INSR: variants seen among roughly 807,000 people sequenced by gnomAD.
INSR encodes IR.
In INSR, 67 loss-of-function variants were observed where a neutral mutation model predicts 142.6. That is an observed-to-expected ratio of 0.47 (90% confidence interval 0.39 to 0.58). The LOEUF (loss-of-function observed/expected upper bound fraction) is 0.58. Among genes scored for constraint, INSR ranks in the 20% least tolerant of loss-of-function variants. The pLI is 0.00. For missense variants in INSR, 1,248 were observed against 1,833.2 expected (o/e 0.68, Z 5.83); for synonymous variants, 756 against 743.1 (o/e 1.02, Z -0.28).
chr19:7,120,430 G>T (rs568480006), intron 20 of INSR, among the ~76,000 whole-genome samples, 190 bp downstream of exon 20: 10 of 152,284 alleles, frequency 6.6e-5, no homozygotes, highest in African/African-American at 1.9e-4. Context: ...CAGATTTTCG[G>T]GGTTCACAAT....
At chr19:7,117,908 C>CTT (rs34720676) in intron 21 of INSR, among the ~76,000 whole-genome samples, 286 of 133,350 alleles carry the variant, frequency 2.1e-3, no homozygotes, top group Non-Finnish European at 3.0e-3. Flanking sequence ...TGCCTGGCCG[C>CTT]TTTTTTTTTT....
intron 1 of INSR, among the ~76,000 whole-genome samples, chr19:7,273,893 T>C (rs983785452): frequency 5.9e-5 from 9 of 151,920 alleles, no homozygotes; most frequent in Non-Finnish European, 2.9e-5. Flanking sequence ...CTCAGGAGGC[T>C]GAGGCAGGAG....
At chr19:7,123,677 C>T (rs970951583) in intron 17 of INSR, among the ~76,000 whole-genome samples, 1 of 151,994 alleles carries the variant, frequency 6.6e-6, no homozygotes, top group African/African-American at 2.4e-5. Context: ...AATCCCAGCA[C>T]TTTGGGAGGC....
chr19:7,183,445 A>G (rs1194029252), intron 3 of INSR, among the ~76,000 whole-genome samples: 2 of 152,142 alleles, frequency 1.3e-5, no homozygotes, highest in African/African-American at 4.8e-5. Context: ...TCTGTCGAAG[A>G]GAGAAAACCC....
intron 2 of INSR, among the ~76,000 whole-genome samples, chr19:7,265,650 G>C (rs867432451): frequency 6.6e-6 from 1 of 151,138 alleles, no homozygotes; most frequent in African/African-American, 2.4e-5. Flanking sequence ...CAGGAGAACC[G>C]CTTGAACCCG....
chr19:7,182,922 A>C (rs544066414), intron 3 of INSR, among the ~76,000 whole-genome samples: 34 of 152,094 alleles, frequency 2.2e-4, no homozygotes, highest in African/African-American at 7.7e-4. Context: ...AAAAAAAAAA[A>C]AAACCTAAAA....
intron 2 of INSR, among the ~76,000 whole-genome samples, chr19:7,250,732 T>C (rs1384177703): frequency 1.3e-5 from 2 of 151,962 alleles, no homozygotes; most frequent in African/African-American, 4.8e-5. Flanking sequence ...CTCAGAGCCA[T>C]GTGCAAACGA....
At chr19:7,161,415 AT>A (rs201080929) in intron 9 of INSR, among the ~76,000 whole-genome samples, 3 of 151,814 alleles carry the variant, frequency 2.0e-5, no homozygotes, top group Non-Finnish European at 2.9e-5. Flanking sequence ...GTACACCACC[AT>A]TTTTTTAAAT....
At chr19:7,123,427 C>T (rs1435387887) in intron 17 of INSR, among the ~76,000 whole-genome samples, 1 of 151,864 alleles carries the variant, frequency 6.6e-6, no homozygotes, top group Non-Finnish European at 1.5e-5. Flanking sequence ...CCTCAGCCTC[C>T]CAAAGTGCTG....
intron 2 of INSR, among the ~76,000 whole-genome samples, chr19:7,232,419 C>T (rs895817665): frequency 1.3e-5 from 2 of 152,132 alleles, no homozygotes; most frequent in South Asian, 4.1e-4. Context: ...GTTTCAAATT[C>T]CCGACCTCAA....
At chr19:7,242,840 A>T (rs1467112518) in intron 2 of INSR, among the ~76,000 whole-genome samples, 1 of 152,086 alleles carries the variant, frequency 6.6e-6, no homozygotes, top group Non-Finnish European at 1.5e-5. Context: ...TTATAAATGA[A>T]AATTTTGGCC....
Position 7,136,828 on chromosome 19 carries a change from C to CATATATATATATATATATATATATATAT in INSR, c.2683-4512_2683-4511insATATATATATATATATATATATATATAT, listed in dbSNP as rs57665258. Among the ~76,000 whole-genome samples, 167 of 139,756 alleles carry CATATATATATATATATATATATATATAT rather than the reference C, an allele frequency of 1.2e-3. 4 individuals are homozygous for CATATATATATATATATATATATATATAT. The highest frequency in any genetic ancestry group is 4.1e-3 in the African/African-American group (140 of 34,556). 91.7% of individuals were successfully genotyped at this position (139,756 alleles called of 152,430 possible). A position where few individuals can be genotyped will look rare whatever the true frequency, so the allele number is the denominator to read the frequency against. On this transcript the variant is annotated intron_variant, in intron 13 of 21. Transcript: ENST00000302850. ...ATGTAAAACTTTATTTATTTATTTA[C>CATATATATATATATATATATATATATAT]ATATATATATATATATATATTGAGA...
chr19:7,257,527 CAA>C (rs55712056), intron 2 of INSR, among the ~76,000 whole-genome samples: 115 of 85,154 alleles, frequency 1.4e-3, no homozygotes, highest in African/African-American at 3.7e-3. Context: ...CAGAGAGCTC[CAA>C]AAAAAAAAAA....
intron 6 of INSR, among the ~76,000 whole-genome samples, chr19:7,169,631 A>G (rs1002074141): frequency 6.6e-6 from 1 of 151,336 alleles, no homozygotes; most frequent in Non-Finnish European, 1.5e-5. Context: ...TTTTATGAAT[A>G]TTACCCTCAA....
rs1377722635 is a variant in INSR at position 7,122,985 on chromosome 19, C to T, written c.3263G>A (p.Arg1088His). Residue 1088 changes from arginine to histidine, a missense_variant, in exon 18 of 22, where the codon CGC (arginine) becomes CAC (histidine). Around this residue, in one of 3 missense-constraint regions of INSR, gnomAD observed 1,069 missense variants for 1,654.0 expected, o/e 0.65. Transcript: ENST00000302850. ...MKGFTCHHVV[R>H]LLGVVSKGQP... ...GCCCTTGGACACCACTCCCAGGAGG[C>T]GCACCTGCAGAGCAAGCAACCAGGG... 5.0e-6 allele frequency: 8 copies of T among 1,598,984 alleles called. No homozygotes were observed. The highest frequency in any genetic ancestry group is 1.7e-5 in the Admixed American group (1 of 58,066).
chr19:7,263,966 T>C (rs1178008314), intron 2 of INSR, among the ~76,000 whole-genome samples: 1 of 152,054 alleles, frequency 6.6e-6, no homozygotes, highest in Admixed American at 6.6e-5. Context: ...GGTCGGGAGT[T>C]CGAGACCAGC....
At chr19:7,128,481 T>G (rs1240100169) in intron 15 of INSR, among the ~76,000 whole-genome samples, 1 of 152,198 alleles carries the variant, frequency 6.6e-6, no homozygotes, top group African/African-American at 2.4e-5. Context: ...CCCAAAGTGC[T>G]AGCATTACAG....
At position 7,141,686 on chromosome 19, in the gene INSR, A is replaced by G; in HGVS notation, c.2673T>C (p.Tyr891=). 2 of 1,614,194 alleles carry G rather than the reference A, an allele frequency of 1.2e-6. No homozygotes were observed. Among genetic ancestry groups the G allele is most frequent in the Non-Finnish European group, 1.7e-6 (2 of 1,180,016 alleles). The change falls in exon 13 of 22, where the codon TAT becomes TAC. Residue 891 remains tyrosine, a synonymous_variant. Transcript: ENST00000302850. The stretch of plus-strand genomic sequence containing the variant: ...GAGTCAAGGGCCTTACCTCATCACC[A>G]TATCGCCGATAACTCACTTCATACA... ...IVLYEVSYRR[Y]GDEELHLCVS... is the part of the protein sequence containing the mutation.
chr19:7,236,616 C>T (rs1290504656), intron 2 of INSR, among the ~76,000 whole-genome samples: 1 of 152,182 alleles, frequency 6.6e-6, no homozygotes, highest in Non-Finnish European at 1.5e-5. Flanking sequence ...AATCCCAGCG[C>T]TTTATAAATT....
Sources: allele counts gnomAD v4.1 joint callset (sites outside exome capture counted in the v4.1 genomes callset), GRCh38; gene constraint gnomAD v4.1.1; regional missense constraint gnomAD v4.1.1; transcripts MANE v1.5; gene names NCBI Gene and HGNC (gene_info 2026-07-23, HGNC 2026-07-21).